The following CRISP1 variants were observed in gnomAD, a reference collection of about 807,000 sequenced individuals.
The protein encoded by CRISP1 is cysteine-rich secretory protein 1.
Under a neutral mutation model 33.1 loss-of-function variants are expected in CRISP1, and 44 were observed. That is an observed-to-expected ratio of 1.33 (90% CI 1.05 to 1.71). The LOEUF (loss-of-function observed/expected upper bound fraction) is 1.71. CRISP1 is among the 40% of genes most tolerant of loss of function. The pLI is 0.00. For synonymous variants in CRISP1, 103 were observed against 98.7 expected, an observed-to-expected ratio of 1.04 and a Z score of -0.26; for missense variants, 390 against 301.2, an observed-to-expected ratio of 1.29 and a Z score of -2.18.
chr6:49,838,556 C>A, intron 6 of CRISP1, 31 bp from the exon 7 acceptor site: 1 of 1,546,034 alleles, frequency 6.5e-7, no homozygotes. Flanking sequence ...TTCATAAAAC[C>A]CATCTTTGAA....
intron 1 of CRISP1, among the ~76,000 whole-genome samples, chr6:49,871,753 T>TTTTTTATGGCTGC (rs1771929781): frequency 6.6e-6 from 1 of 152,074 alleles, no homozygotes; most frequent in African/African-American, 2.4e-5. Flanking sequence ...AGCTGCATAG[T>TTTTTTATGGCTGC]ATTCCATGGT....
intron 3 of CRISP1, 76 bp downstream of exon 3, chr6:49,851,925 G>A: frequency 6.7e-7 from 1 of 1,490,084 alleles, no homozygotes; most frequent in Non-Finnish European, 9.0e-7. Context: ...CTTTGAAAGT[G>A]CATAGAACTT....
At chr6:49,846,801 A>C (rs1771189018) in intron 4 of CRISP1, 133 bp from the exon 5 acceptor site, 1 of 832,442 alleles carries the variant, frequency 1.2e-6, no homozygotes, top group African/African-American at 1.7e-5. Flanking sequence ...GAGTAAAATA[A>C]GTTGTATCCC....
chr6:49,835,276 C>T lies in CRISP1; in HGVS notation c.*40G>A, dbSNP rs376538899. On this transcript the variant is annotated 3_prime_UTR_variant, in exon 8 of 8. Coordinates refer to ENST00000335847, the MANE Select transcript of CRISP1 (RefSeq NM_001131.3). ...ACATGAATCCAACAGACATCTCCTC[C>T]TCATCGTCACAGCATAGAACAGTTG... 4.3e-5 allele frequency: 69 copies of T among 1,598,390 alleles called. No individual in the cohort carries two copies. The African/African-American group carries it at 8.3e-4, about 19-fold the overall frequency.
chr6:49,854,335 G>A (rs1236335668), intron 2 of CRISP1, among the ~76,000 whole-genome samples: 1 of 151,860 alleles, frequency 6.6e-6, no homozygotes, highest in Non-Finnish European at 1.5e-5. Flanking sequence ...TTTCTTTTTG[G>A]CCCTTCCCAG....
intron 5 of CRISP1, among the ~76,000 whole-genome samples, chr6:49,843,751 G>A (rs1343941048): frequency 6.6e-6 from 1 of 152,172 alleles, no homozygotes; most frequent in Admixed American, 6.5e-5. Context: ...AAGTTCTTAA[G>A]TGCATGCTAT....
intron 4 of CRISP1, among the ~76,000 whole-genome samples, chr6:49,846,955 C>A (rs577642490): frequency 1.3e-5 from 2 of 152,212 alleles, no homozygotes; most frequent in East Asian, 3.9e-4. Flanking sequence ...ATAGGTGAAA[C>A]CAAATCAGAG....
At chr6:49,845,707 C>CAAAAAAAAAAAAAAAAAAAA (rs111269611) in intron 5 of CRISP1, among the ~76,000 whole-genome samples, 1 of 145,394 alleles carries the variant, frequency 6.9e-6, no homozygotes. Flanking sequence ...TCACAATAGC[C>CAAAAAAAAAAAAAAAAAAAA]AAAAAAAAAA....
intron 1 of CRISP1, among the ~76,000 whole-genome samples, chr6:49,861,122 T>C (rs1299800093): frequency 1.3e-5 from 2 of 152,020 alleles, no homozygotes; most frequent in East Asian, 1.9e-4. Context: ...ATAAGAAAAG[T>C]CCAGGATCAG....
At chr6:49,840,835 G>T in intron 6 of CRISP1, 63 bp downstream of exon 6, 2 of 1,307,410 alleles carry the variant, frequency 1.5e-6, no homozygotes, top group Non-Finnish European at 2.2e-6. Context: ...AAAAAACAAT[G>T]TTTGAAAAAC....
At chr6:49,868,774 A>G (rs890146402), upstream of CRISP1, among the ~76,000 whole-genome samples, 1 of 152,082 alleles carries the variant, frequency 6.6e-6, no homozygotes, top group Non-Finnish European at 1.5e-5. Flanking sequence ...AATTGTGCTT[A>G]TGCTTCAAAG....
At position 49,834,466 on chromosome 6, in the gene CRISP1, C is replaced by T. The variant is rs979198756; in HGVS notation, c.*850G>A. ...TGCTCTTCCATTGTGTTGAAATAAT[C>T]ATAACCTTTGCAACCCTGTTTACTC... On this transcript the variant is annotated 3_prime_UTR_variant, in exon 8 of 8. Coordinates refer to ENST00000335847, the MANE Select transcript of CRISP1 (RefSeq NM_001131.3). The T allele has an allele frequency of 2.0e-5, 3 of 152,240 alleles. No individual in the cohort carries two copies. The East Asian group carries it at 5.8e-4, about 29-fold the overall frequency. 9.4% of individuals were successfully genotyped at this position (152,240 alleles called of 1,614,324 possible).
intron 3 of CRISP1, among the ~76,000 whole-genome samples, chr6:49,849,814 G>A (rs1364081376): frequency 6.6e-6 from 1 of 151,922 alleles, no homozygotes; most frequent in Non-Finnish European, 1.5e-5. Context: ...ACCGTGAGAT[G>A]AATTAAATAA....
chr6:49,857,534 G>A, intron 1 of CRISP1, 132 bp from the exon 2 acceptor site: 1 of 709,488 alleles, frequency 1.4e-6, no homozygotes, highest in Non-Finnish European at 2.4e-6. Context: ...TCCGAACAAG[G>A]TTTAATGTGT....
At chr6:49,872,267 T>C (rs2127479916) in intron 1 of CRISP1, among the ~76,000 whole-genome samples, 1 of 151,946 alleles carries the variant, frequency 6.6e-6, no homozygotes, top group Non-Finnish European at 1.5e-5. Flanking sequence ...TTCTTGTAAA[T>C]TTGTTTGAGT....
intron 1 of CRISP1, among the ~76,000 whole-genome samples, chr6:49,861,622 G>A (rs1044035183): frequency 9.9e-5 from 15 of 152,080 alleles, no homozygotes; most frequent in African/African-American, 2.9e-4. Flanking sequence ...GGTAACTCAC[G>A]CCTGTAGTTC....
chr6:49,865,275 C>A (rs956928961), intron 1 of CRISP1, among the ~76,000 whole-genome samples: 3 of 152,042 alleles, frequency 2.0e-5, no homozygotes, highest in Non-Finnish European at 2.9e-5. Context: ...GAGATGAGGT[C>A]AATGGAATAT....
In CRISP1 at chr6:49,858,113, AAAG is replaced by A. The variant is rs1024560598; in HGVS notation, c.-2-714_-2-712del. On this transcript the variant is annotated intron_variant, in intron 1 of 7. Coordinates refer to ENST00000335847, the MANE Select transcript of CRISP1 (RefSeq NM_001131.3). The stretch of plus-strand genomic sequence containing the variant: ...TCTATTTAAACTCTCCGTCAGCTAC[AAAG>A]AAGAGGAGTAACTTGCTACTACTAA... Among the ~76,000 whole-genome samples, 6 of 152,222 alleles carry A rather than the reference AAAG, an allele frequency of 3.9e-5. No individual in the cohort carries two copies. In the East Asian group the frequency reaches 9.6e-4, roughly 24 times the overall value.
intron 2 of CRISP1, among the ~76,000 whole-genome samples, chr6:49,854,330 T>G (rs1488342076): frequency 6.6e-6 from 1 of 152,194 alleles, no homozygotes; most frequent in Non-Finnish European, 1.5e-5. Flanking sequence ...CACTCTTTCT[T>G]TTTGGCCCTT....
Sources: gnomAD v4.1 joint callset for allele counts (sites outside exome capture counted in the v4.1 genomes callset) on GRCh38, gnomAD v4.1.1 for gene constraint, MANE v1.5 for transcripts, NCBI Gene and HGNC (gene_info 2026-07-23, HGNC 2026-07-21) for gene names.